The following PPP2R2B variants were observed in gnomAD, a reference collection of about 807,000 sequenced individuals.
PPP2R2B encodes serine/threonine-protein phosphatase 2A 55 kDa regulatory subunit B beta isoform.
Under a neutral mutation model 46.0 loss-of-function variants are expected in PPP2R2B, and 5 were observed. The observed-to-expected ratio is 0.11, with a 90% confidence interval of 0.06 to 0.23. The LOEUF is 0.23. Ranked by LOEUF, PPP2R2B falls within the 10% of genes least tolerant of loss-of-function variation. PPP2R2B has a pLI of 1.00. For missense variants in PPP2R2B, 367 were observed against 575.0 expected (o/e 0.64, Z 3.70); for synonymous variants, 215 against 206.7 (o/e 1.04, Z -0.34).
At chr5:146,909,048 T>C (rs1208198801) in intron 1 of PPP2R2B, among the ~76,000 whole-genome samples, 1 of 152,170 alleles carries the variant, frequency 6.6e-6, no homozygotes, top group African/African-American at 2.4e-5. Context: ...AGATGGTCCA[T>C]GGAGAAGTAA....
intron 7 of PPP2R2B, among the ~76,000 whole-genome samples, chr5:146,613,824 C>T (rs1772866665): frequency 7.0e-6 from 1 of 142,960 alleles, no homozygotes; most frequent in African/African-American, 2.8e-5. Flanking sequence ...AGGAGAACTA[C>T]AAACCACTGC....
At chr5:147,039,486 T>A (rs1756195532) in intron 1 of PPP2R2B, among the ~76,000 whole-genome samples, 1 of 152,122 alleles carries the variant, frequency 6.6e-6, no homozygotes, top group African/African-American at 2.4e-5. Context: ...ATCATGCATC[T>A]GCCCACATTC....
rs1466609192 is a variant in PPP2R2B, at chr5:146,582,617, T to C, written c.*7330A>G. On this transcript the variant is annotated 3_prime_UTR_variant, in exon 10 of 10. Transcript: ENST00000394411. Reference sequence around the variant, plus strand: ...CAAACTCCCAATGGCATGCCGCTCATCTTATAAGCTTCCTGTGGGCAAGTG... The same window carrying C: ...CAAACTCCCAATGGCATGCCGCTCACCTTATAAGCTTCCTGTGGGCAAGTG... 1.3e-5 allele frequency: 2 copies of C among 152,258 alleles called. No homozygotes were observed. The highest frequency in any genetic ancestry group is 2.9e-5 in the Non-Finnish European group (2 of 68,040). The allele number at this position is 152,258 out of a possible 1,614,324, so 9.4% of individuals were successfully genotyped here.
intron 2 of PPP2R2B, among the ~76,000 whole-genome samples, chr5:146,731,830 T>C (rs1752249584): frequency 6.6e-6 from 1 of 152,186 alleles, no homozygotes; most frequent in South Asian, 2.1e-4. Context: ...ACAGAGTGGG[T>C]ATGTCCATTG....
At chr5:146,732,182 C>G (rs1014576036) in intron 2 of PPP2R2B, among the ~76,000 whole-genome samples, 14 of 152,086 alleles carry the variant, frequency 9.2e-5, no homozygotes, top group African/African-American at 2.9e-4. Flanking sequence ...GGTGAAAGGT[C>G]AAAGGTAAGT....
At chr5:146,959,064 G>A (rs1752054361) in intron 1 of PPP2R2B, among the ~76,000 whole-genome samples, 1 of 152,092 alleles carries the variant, frequency 6.6e-6, no homozygotes, top group South Asian at 2.1e-4. Flanking sequence ...TATTTTTAAG[G>A]TGTTTTAATA....
Position 146,976,002 on chromosome 5 carries a change from T to C in PPP2R2B, c.79+79663A>G, listed in dbSNP as rs192879170. Among the ~76,000 whole-genome samples the C allele has an allele frequency of 3.9e-5, 6 of 151,984 alleles. No individual in the cohort carries two copies. In the East Asian group the frequency reaches 1.2e-3, roughly 29 times the overall value. On this transcript the variant is annotated intron_variant, in intron 1 of 8. Coordinates refer to the PPP2R2B transcript ENST00000336640. ...AAGTCATCCAATTTGTCTACTTTTATTTTTGTTTCCTGTGCCTGGTATCAT... is the reference window on the plus strand; with the variant it reads ...AAGTCATCCAATTTGTCTACTTTTACTTTTGTTTCCTGTGCCTGGTATCAT...
intron 2 of PPP2R2B, among the ~76,000 whole-genome samples, chr5:146,863,048 A>G (rs1347570233): frequency 6.7e-6 from 1 of 149,914 alleles, no homozygotes; most frequent in Non-Finnish European, 1.5e-5. Context: ...TTTTTTTTCC[A>G]CAGTGCACAG....
chr5:146,995,030 G>A (rs914921846), intron 1 of PPP2R2B, among the ~76,000 whole-genome samples: 2 of 152,196 alleles, frequency 1.3e-5, no homozygotes, highest in African/African-American at 4.8e-5. Flanking sequence ...GCAGTGGTAT[G>A]TTAGTGATTT....
chr5:147,063,491 CT>C (rs1757330314), intron 2 of PPP2R2B, among the ~76,000 whole-genome samples: 1 of 152,120 alleles, frequency 6.6e-6, no homozygotes. Flanking sequence ...CTTGTCCAAG[CT>C]GGATAAAAAA....
At chr5:146,703,052 T>A (rs1779637035) in intron 2 of PPP2R2B, among the ~76,000 whole-genome samples, 1 of 152,196 alleles carries the variant, frequency 6.6e-6, no homozygotes, top group African/African-American at 2.4e-5. Flanking sequence ...ACTACTCCCA[T>A]GTTTAGACGA....
chr5:146,588,827 T>C lies in PPP2R2B; in HGVS notation c.*1120A>G, dbSNP rs971014150. The stretch of plus-strand genomic sequence containing the variant: ...TCCAGATGGCGAGCTTGGGGTGAGT[T>C]AGAAGTGCCTGATTGGACTTCACAA... On this transcript the variant is annotated 3_prime_UTR_variant, in exon 10 of 10. Transcript: ENST00000394411. The C allele has an allele frequency of 2.0e-5, 3 of 152,170 alleles. No homozygotes were observed. Among genetic ancestry groups the C allele is most frequent in the African/African-American group, 7.2e-5 (3 of 41,438 alleles). 9.4% of individuals were successfully genotyped at this position (152,170 alleles called of 1,614,324 possible).
intron 9 of PPP2R2B, 89 bp downstream of exon 9, chr5:146,592,882 C>A: frequency 7.5e-7 from 1 of 1,326,682 alleles, no homozygotes; most frequent in East Asian, 2.3e-5. Flanking sequence ...ATTTTGACCT[C>A]CCTTTGGCTG....
chr5:147,034,440 G>A (rs565743595), intron 1 of PPP2R2B, among the ~76,000 whole-genome samples: 57 of 152,148 alleles, frequency 3.7e-4, no homozygotes, highest in Middle Eastern at 3.4e-3. Flanking sequence ...ATGACCCATA[G>A]TAGGTCCTTA....
chr5:147,056,736 T>C (rs993619005), upstream of PPP2R2B, among the ~76,000 whole-genome samples: 3 of 152,266 alleles, frequency 2.0e-5, no homozygotes, highest in East Asian at 3.9e-4. Flanking sequence ...TTTAAGGACA[T>C]GACCAACCAC....
chr5:146,746,942 G>T (rs915198891), intron 2 of PPP2R2B, among the ~76,000 whole-genome samples: 1 of 152,164 alleles, frequency 6.6e-6, no homozygotes, highest in African/African-American at 2.4e-5. Flanking sequence ...TTTCATTCGG[G>T]TCTCTTGGCT....
chr5:146,926,003 T>C lies in PPP2R2B; in HGVS notation c.79+129662A>G, dbSNP rs568345078. Among the ~76,000 whole-genome samples the C allele has an allele frequency of 5.9e-5, 9 of 152,202 alleles. No homozygotes were observed. In the South Asian group the frequency reaches 1.9e-3, roughly 32 times the overall value. ...TGGTATTTTTAAAATAAATTCAATA[T>C]CCTTATTAAGAATCTATTTGTTGAT... On this transcript the variant is annotated intron_variant, in intron 1 of 8. Coordinates refer to the PPP2R2B transcript ENST00000336640.
intron 2 of PPP2R2B, among the ~76,000 whole-genome samples, chr5:146,718,269 T>C (rs748119262): frequency 6.6e-6 from 1 of 152,070 alleles, no homozygotes; most frequent in Non-Finnish European, 1.5e-5. Flanking sequence ...ACGCCTATAG[T>C]CTCAGCTACT....
intron 1 of PPP2R2B, among the ~76,000 whole-genome samples, chr5:146,963,609 C>T (rs888039646): frequency 2.0e-5 from 3 of 152,274 alleles, no homozygotes; most frequent in African/African-American, 7.2e-5. Context: ...TGAACATATA[C>T]GGCACCTTCA....
Sources: allele counts gnomAD v4.1 joint callset (sites outside exome capture counted in the v4.1 genomes callset), GRCh38; gene constraint gnomAD v4.1.1; transcripts MANE v1.5; gene names NCBI Gene and HGNC (gene_info 2026-07-23, HGNC 2026-07-21).